The following FRRS1 variants were observed in gnomAD, a reference collection of about 807,000 sequenced individuals.
FRRS1 encodes the protein ferric reductase 1.
Under a neutral mutation model 70.7 loss-of-function variants are expected in FRRS1, and 51 were observed. That is an observed-to-expected ratio of 0.72 (90% confidence interval 0.58 to 0.91). FRRS1 has a LOEUF of 0.91. Among genes scored for constraint, FRRS1 ranks in the 40% least tolerant of loss-of-function variants. The pLI, the probability that FRRS1 is intolerant of heterozygous loss-of-function variation, is 0.00. For missense variants in FRRS1, 672 were observed against 726.0 expected (o/e 0.93, Z 0.86); for synonymous variants, 225 against 238.7 (o/e 0.94, Z 0.53).
At chr1:99,738,003 A>C in intron 7 of FRRS1, 83 bp downstream of exon 7, 1 of 1,155,776 alleles carries the variant, frequency 8.7e-7, no homozygotes, top group Non-Finnish European at 1.2e-6. Context: ...GGCCTCCCAA[A>C]GTGCTGGGAT....
At chr1:99,713,717 A>G (rs1310615447) in intron 12 of FRRS1, among the ~76,000 whole-genome samples, 1 of 152,234 alleles carries the variant, frequency 6.6e-6, no homozygotes, top group Admixed American at 6.5e-5. Flanking sequence ...AGTACCTGCT[A>G]TATACTTAAA....
At chr1:99,744,839 G>A (rs768063269) in intron 4 of FRRS1, among the ~76,000 whole-genome samples, 13 of 150,634 alleles carry the variant, frequency 8.6e-5, no homozygotes, top group Non-Finnish European at 1.3e-4. Flanking sequence ...GCGTTGTGGC[G>A]GGCGCCTGTA....
chr1:99,713,124 G>A (rs1654354841), intron 12 of FRRS1, among the ~76,000 whole-genome samples: 1 of 152,162 alleles, frequency 6.6e-6, no homozygotes, highest in Non-Finnish European at 1.5e-5. Flanking sequence ...GCTAGGAACT[G>A]TCCTAAGTAC....
At chr1:99,711,159 T>TG (rs1185179452) in intron 14 of FRRS1, among the ~76,000 whole-genome samples, 1 of 152,124 alleles carries the variant, frequency 6.6e-6, no homozygotes, top group Non-Finnish European at 1.5e-5. Flanking sequence ...TTACCAATTG[T>TG]GGGGGGCGGT....
At chr1:99,712,571 T>A in intron 12 of FRRS1, 56 bp from the exon 13 acceptor site, 1 of 978,878 alleles carries the variant, frequency 1.0e-6, no homozygotes, top group South Asian at 1.5e-5. Flanking sequence ...ATTTAAATCC[T>A]CAAGTTAAAA....
chr1:99,755,340 C>A (rs1308128348), intron 1 of FRRS1, among the ~76,000 whole-genome samples: 1 of 151,426 alleles, frequency 6.6e-6, no homozygotes, highest in African/African-American at 2.4e-5. Flanking sequence ...GGAAGATGGG[C>A]TCCTTGAATC....
At chr1:99,765,633 G>A (rs1264902468) in intron 1 of FRRS1, 1 of 151,742 alleles carries the variant, frequency 6.6e-6, no homozygotes. Context: ...CAGACGCGGT[G>A]GCTCAAGCCT....
At chr1:99,718,586 C>T (rs1193630812) in intron 10 of FRRS1, among the ~76,000 whole-genome samples, 2 of 152,194 alleles carry the variant, frequency 1.3e-5, no homozygotes, top group Non-Finnish European at 2.9e-5. Flanking sequence ...ACCAGACCCT[C>T]CCACAGTGCT....
chr1:99,727,489 A>T (rs1264993242), intron 9 of FRRS1, among the ~76,000 whole-genome samples: 3 of 152,220 alleles, frequency 2.0e-5, no homozygotes, highest in Non-Finnish European at 4.4e-5. Flanking sequence ...ATTAATTTAA[A>T]TGTTCCTAAA....
At chr1:99,745,696 T>C (rs895349199) in intron 4 of FRRS1, among the ~76,000 whole-genome samples, 8 of 152,010 alleles carry the variant, frequency 5.3e-5, no homozygotes, top group African/African-American at 1.5e-4. Flanking sequence ...AATAAATAAG[T>C]GTTCTATTGA....
In FRRS1 at chr1:99,728,475, G is replaced by A. The variant is rs754989374; in HGVS notation, c.1006+18C>T. ...AGAGAAAAAGACACTTGAAAAGACAGCTTAACAATATACTTACCATCATTA... is the reference window on the plus strand; with the variant it reads ...AGAGAAAAAGACACTTGAAAAGACAACTTAACAATATACTTACCATCATTA... On this transcript the variant is annotated intron_variant, in intron 9 of 16. Coordinates refer to ENST00000646001, the MANE Select transcript of FRRS1 (RefSeq NM_001361041.2). The A allele has an allele frequency of 2.3e-5, 36 of 1,571,694 alleles. No homozygotes were observed. The highest frequency in any genetic ancestry group is 3.1e-5 in the Non-Finnish European group (36 of 1,151,828).
chr1:99,717,506 T>C lies in FRRS1; in HGVS notation c.1140A>G (p.Ala380=). Residue 380 remains alanine, a synonymous_variant, in exon 11 of 17, where the codon GCA becomes GCG. Transcript: ENST00000646001. ...LKVHGALMFV[A]WMTTVSIGVL... is the part of the protein sequence containing the mutation. ...CACCTATGCTAACAGTAGTCATCCATGCCACAAACATTAAGGCACCTACAA... is the reference window on the plus strand; with the variant it reads ...CACCTATGCTAACAGTAGTCATCCACGCCACAAACATTAAGGCACCTACAA... 1.2e-6 allele frequency: 2 copies of C among 1,613,414 alleles called. No individual in the cohort carries two copies. The highest frequency in any genetic ancestry group is 1.1e-5 in the South Asian group (1 of 91,072).
Position 99,763,296 on chromosome 1 carries a change from A to G in FRRS1, c.-106+3311T>C, listed in dbSNP as rs188260748. ...GACCCCCTATTTTTATATGGACAGG[A>G]ATTTGGTTAAATTCCTGTCCATATA... On this transcript the variant is annotated intron_variant, in intron 1 of 16. Transcript: ENST00000646001. Among the ~76,000 whole-genome samples the G allele has an allele frequency of 1.5e-3, 228 of 152,066 alleles. 2 individuals are homozygous for G. The Middle Eastern group carries it at 0.048, about 32-fold the overall frequency.
chr1:99,721,896 C>T (rs1200265349), intron 9 of FRRS1, among the ~76,000 whole-genome samples: 1 of 151,996 alleles, frequency 6.6e-6, no homozygotes, highest in Non-Finnish European at 1.5e-5. Context: ...CACGCCCGGT[C>T]GAAAAATTCT....
chr1:99,730,526 A>C (rs1044328902), intron 7 of FRRS1, among the ~76,000 whole-genome samples: 3 of 152,118 alleles, frequency 2.0e-5, no homozygotes, highest in Admixed American at 6.5e-5. Flanking sequence ...GTTTGAGATC[A>C]GCCTGGGCAA....
chr1:99,730,315 T>C (rs1255566422), intron 7 of FRRS1, among the ~76,000 whole-genome samples: 3 of 152,170 alleles, frequency 2.0e-5, no homozygotes, highest in Non-Finnish European at 4.4e-5. Flanking sequence ...TAATGTTATA[T>C]AACTGAGGCA....
chr1:99,738,193 A>G lies in FRRS1; in HGVS notation c.652T>C (p.Ser218Pro), dbSNP rs367649409. Residue 218 changes from serine (S) to proline (P), a missense_variant, in exon 7 of 17, where the codon TCC (serine) becomes CCC (proline). Transcript: ENST00000646001. Reference sequence around the variant, plus strand: ...CTTGTGAAGGACAAGAAGACACAGGAAGCCTCCTTCTCTGGGTCACAGTTC... The same window carrying G: ...CTTGTGAAGGACAAGAAGACACAGGGAGCCTCCTTCTCTGGGTCACAGTTC... ...PLNCDPEKEASCVFLSFTRDD... is the reference protein window; with the variant it reads ...PLNCDPEKEAPCVFLSFTRDD... 2 of 1,613,746 alleles carry G rather than the reference A, an allele frequency of 1.2e-6. No homozygotes were observed. The highest frequency in any genetic ancestry group is 1.7e-6 in the Non-Finnish European group (2 of 1,179,728).
chr1:99,720,798 T>C (rs1278889254), intron 9 of FRRS1, among the ~76,000 whole-genome samples: 1 of 148,616 alleles, frequency 6.7e-6, no homozygotes, highest in African/African-American at 2.5e-5. Flanking sequence ...AAGGTACTAT[T>C]CAAAAAAAGT....
Position 99,717,416 on chromosome 1 carries a change from C to T in FRRS1, c.1230G>A (p.Trp410Ter), listed in dbSNP as rs748237495. The T allele has an allele frequency of 3.1e-6, 5 of 1,612,396 alleles. No individual in the cohort carries two copies. In the African/African-American group the frequency reaches 5.3e-5, roughly 17 times the overall value. Residue 410 changes from tryptophan (W) to a stop codon, truncating the protein, a stop_gained, in exon 11 of 17, where the codon TGG becomes TGA. Coordinates refer to ENST00000646001, the MANE Select transcript of FRRS1 (RefSeq NM_001361041.2). LOFTEE classifies it high-confidence loss of function. ...ACTTTTTTCCCTCACCTACCTGAAA[C>T]CAAGCTGCTTCACCAAGCAAGAAAG... ...SKAFLLGEAAWFQVHRMLMFT... is the reference protein window; with the variant it reads ...SKAFLLGEAA
Sources: gnomAD v4.1 joint callset for allele counts (sites outside exome capture counted in the v4.1 genomes callset) on GRCh38, gnomAD v4.1.1 for gene constraint, MANE v1.5 for transcripts, NCBI Gene and HGNC (gene_info 2026-07-23, HGNC 2026-07-21) for gene names.